Variants in GALE observed in about 807,000 individuals in gnomAD.
The protein encoded by GALE is UDP-galactose-4-epimerase, also known as UDP-glucose 4-epimerase.
Under a neutral mutation model 44.1 loss-of-function variants are expected in GALE, and 32 were observed. That is an observed-to-expected ratio of 0.73 (90% CI 0.55 to 0.97). The LOEUF is 0.97. GALE is among the 50% of genes least tolerant of loss of function. GALE has a pLI of 0.00. For synonymous variants in GALE, 182 were observed against 183.5 expected (o/e 0.99, Z 0.06); for missense variants, 423 against 455.6 (o/e 0.93, Z 0.65).
chr1:23,797,754 A>G lies in GALE; in HGVS notation c.469T>C (p.Tyr157His). Residue 157 changes from tyrosine to histidine, a missense_variant, in exon 6 of 12, where the codon TAC becomes CAC. Tyr to His is a moderately conservative substitution (Grantham distance 83). Coordinates refer to ENST00000617979, the MANE Select transcript of GALE (RefSeq NM_001008216.2). ...AHPTGGCTNP[Y>H]GKSKFFIEEM... ...TCGATGAAGAACTTGGACTTGCCGT[A>G]AGGGTTGGTACAACCACCCGTGGGG... 5 of 1,614,150 alleles carry G rather than the reference A, an allele frequency of 3.1e-6. No homozygotes were observed. Among genetic ancestry groups the G allele is most frequent in the East Asian group, 2.2e-5 (1 of 44,864 alleles).
At position 23,796,004 on chromosome 1, in the gene GALE, T is replaced by TCA. The variant is rs1330590640; in HGVS notation, c.990_991dup (p.Glu331ValfsTer100). 1 of 1,613,986 alleles carries TCA rather than the reference T, an allele frequency of 6.2e-7. No individual in the cohort carries two copies. Among genetic ancestry groups the TCA allele is most frequent in the Non-Finnish European group, 8.5e-7 (1 of 1,179,962 alleles). ...CTGCTTCTGCCAGCGCCAGAGATCCTCACCTGCAACACGGCGAGGTGTGTG... is the reference window on the plus strand; with the variant it reads ...CTGCTTCTGCCAGCGCCAGAGATCCTCACACCTGCAACACGGCGAGGTGTGTG... On this transcript the variant is annotated frameshift_variant, in exon 12 of 12. Coordinates refer to ENST00000617979, the MANE Select transcript of GALE (RefSeq NM_001008216.2). LOFTEE classifies it high-confidence loss of function. The surrounding 1 kb of genome is among the most constrained non-coding windows in gnomAD (Gnocchi z 5.2).
At position 23,799,464 on chromosome 1, in the gene GALE, T is replaced by C. The variant is rs1045873703; in HGVS notation, c.-76-28A>G. 2.8e-5 allele frequency: 8 copies of C among 282,478 alleles called. No individual in the cohort carries two copies. In the East Asian group the frequency reaches 2.9e-4, roughly 10 times the overall value. 17.5% of individuals were successfully genotyped at this position (282,478 alleles called of 1,614,324 possible). ...GGGCAGAAGGAAAATGGCAGCACGA[T>C]TGGGACTCCAGGGTCGCAGGAAGGG... On this transcript the variant is annotated intron_variant, in intron 1 of 11. Transcript: ENST00000617979.
chr1:23,799,112 G>T, intron 2 of GALE, 100 bp from the exon 3 acceptor site: 1 of 1,513,520 alleles, frequency 6.6e-7, no homozygotes. Flanking sequence ...GGAAGGAGGC[G>T]GCAGTGTGCC....
At position 23,798,701 on chromosome 1, in the gene GALE, G is replaced by A. The variant is rs780517804; in HGVS notation, c.151C>T (p.Arg51Trp). Residue 51 changes from arginine (R) to tryptophan (W), a missense_variant, in exon 4 of 12, where the codon CGG (arginine) becomes TGG (tryptophan). Physicochemically the swap from Arg to Trp is moderately radical, Grantham distance 101 (BLOSUM62 -3). Coordinates refer to ENST00000617979, the MANE Select transcript of GALE (RefSeq NM_001008216.2). The surrounding 1 kb of genome is among the most constrained non-coding windows in gnomAD (Gnocchi z 4.5). Reference sequence around the variant, plus strand: ...GAGCGGCCTGTCAGCTCCTGGACCCGCCGCAGGCTCTCAGGCAGGGAGCCC... The same window carrying A: ...GAGCGGCCTGTCAGCTCCTGGACCCACCGCAGGCTCTCAGGCAGGGAGCCC... ...GGGSLPESLR[R>W]VQELTGRSVE... 2.0e-5 allele frequency: 33 copies of A among 1,613,808 alleles called. No individual in the cohort carries two copies. Among genetic ancestry groups the A allele is most frequent in the Admixed American group, 8.3e-5 (5 of 59,984 alleles).
chr1:23,799,307 G>A lies in GALE; in HGVS notation c.-6+59C>T, dbSNP rs1279340756. ...TTCAGTGAGGTGATCTTAAGGGCCC[G>A]CCACAGCAGAGCTGGGGAGACCTGA... On this transcript the variant is annotated intron_variant, in intron 2 of 11. Coordinates refer to ENST00000617979, the MANE Select transcript of GALE (RefSeq NM_001008216.2). 8.9e-6 allele frequency: 4 copies of A among 448,412 alleles called. No individual in the cohort carries two copies. In the Admixed American group the frequency reaches 1.0e-4, roughly 12 times the overall value. The allele number at this position is 448,412 out of a possible 1,614,324, so 27.8% of individuals were successfully genotyped here.
chr1:23,799,088 C>T (rs547969165), intron 2 of GALE, 76 bp from the exon 3 acceptor site: 4 of 1,600,352 alleles, frequency 2.5e-6, no homozygotes, highest in South Asian at 1.1e-5. Context: ...AATCCTGCCC[C>T]CTAAGCTCGC....
Position 23,798,041 on chromosome 1 carries a change from T to C in GALE, c.351+76A>G, listed in dbSNP as rs1201647924. 2 of 1,358,914 alleles carry C rather than the reference T, an allele frequency of 1.5e-6. No individual in the cohort carries two copies. The highest frequency in any genetic ancestry group is 2.9e-5 in the African/African-American group (2 of 69,856). 84.2% of individuals were successfully genotyped at this position (1,358,914 alleles called of 1,614,324 possible). ...CCAGGATGATACAGCTTGGGCTCTG[T>C]GTTTGGCACTGCCTGCCAGGCTGGG... On this transcript the variant is annotated intron_variant, in intron 5 of 11. Coordinates refer to ENST00000617979, the MANE Select transcript of GALE (RefSeq NM_001008216.2). The surrounding 1 kb of genome is among the most constrained non-coding windows in gnomAD (Gnocchi z 4.5).
chr1:23,795,897 G>T lies in GALE; in HGVS notation c.*52C>A. 1 of 1,563,488 alleles carries T rather than the reference G, an allele frequency of 6.4e-7. No homozygotes were observed. ...CCAGGGCCCTGAGTTCCTGCCAGAG[G>T]CTGGAGAGCAGGCAGCTGCTGCTTT... On this transcript the variant is annotated 3_prime_UTR_variant, in exon 12 of 12. Coordinates refer to ENST00000617979, the MANE Select transcript of GALE (RefSeq NM_001008216.2).
At position 23,798,064 on chromosome 1, in the gene GALE, G is replaced by A. The variant is rs886563052; in HGVS notation, c.351+53C>T. The A allele has an allele frequency of 1.2e-5, 17 of 1,471,018 alleles. No homozygotes were observed. The South Asian group carries it at 1.8e-4, about 16-fold the overall frequency. The allele number at this position is 1,471,018 out of a possible 1,614,324, so 91.1% of individuals were successfully genotyped here. A position where few individuals can be genotyped will look rare whatever the true frequency, so the allele number is the denominator to read the frequency against. The stretch of plus-strand genomic sequence containing the variant: ...TGTGTTTGGCACTGCCTGCCAGGCT[G>A]GGGTCCAGCTGGACACCCTCCTAGT... On this transcript the variant is annotated intron_variant, in intron 5 of 11. Transcript: ENST00000617979. The surrounding 1 kb of genome is among the most constrained non-coding windows in gnomAD (Gnocchi z 4.5).
chr1:23,799,137 G>A, intron 2 of GALE, 125 bp from the exon 3 acceptor site: 2 of 1,316,764 alleles, frequency 1.5e-6, no homozygotes, highest in Non-Finnish European at 2.2e-6. Flanking sequence ...GTACCAGACT[G>A]GCTCAGAAGT....
At position 23,796,104 on chromosome 1, in the gene GALE, T is replaced by A; in HGVS notation, c.988+47A>T. 6.2e-7 allele frequency: 1 copy of A among 1,604,010 alleles called. No individual in the cohort carries two copies. The highest frequency in any genetic ancestry group is 8.5e-7 in the Non-Finnish European group (1 of 1,171,040). Reference sequence around the variant, plus strand: ...CTGGGTGGGCATGCCCAGATCTGATTTAGCCCCTCCCTGGCCCCTAACTGC... The same window carrying A: ...CTGGGTGGGCATGCCCAGATCTGATATAGCCCCTCCCTGGCCCCTAACTGC... On this transcript the variant is annotated intron_variant, in intron 11 of 11. Coordinates refer to ENST00000617979, the MANE Select transcript of GALE (RefSeq NM_001008216.2). The surrounding 1 kb of genome is among the most constrained non-coding windows in gnomAD (Gnocchi z 5.2).
Position 23,796,788 on chromosome 1 carries a change from G to A in GALE, c.710-6C>T. On this transcript the variant is annotated splice_region_variant and splice_polypyrimidine_tract_variant and intron_variant, in intron 8 of 11. Transcript: ENST00000617979. This position sits in a 1 kb window ranked among gnomAD's most constrained non-coding sequence, Gnocchi z 5.2. ...ATGGATGTAATCCCGGACACCTGCAGAGAAGGGAGTGTGTTGGATGGGGAG... is the reference window on the plus strand; with the variant it reads ...ATGGATGTAATCCCGGACACCTGCAAAGAAGGGAGTGTGTTGGATGGGGAG... 2.5e-6 allele frequency: 4 copies of A among 1,609,580 alleles called. No homozygotes were observed. The highest frequency in any genetic ancestry group is 3.4e-6 in the Non-Finnish European group (4 of 1,177,636).
At position 23,796,823 on chromosome 1, in the gene GALE, C is replaced by T. The variant is rs1557478827; in HGVS notation, c.710-41G>A. On this transcript the variant is annotated intron_variant, in intron 8 of 11. Coordinates refer to ENST00000617979, the MANE Select transcript of GALE (RefSeq NM_001008216.2). The surrounding 1 kb of genome is among the most constrained non-coding windows in gnomAD (Gnocchi z 5.2). ...TGTGTTGGATGGGGAGTCTGTTCCC[C>T]CTGACTCTCCTTCCTGGCTCCCACT... 15 of 1,607,788 alleles carry T rather than the reference C, an allele frequency of 9.3e-6. No homozygotes were observed. Among genetic ancestry groups the T allele is most frequent in the Non-Finnish European group, 1.3e-5 (15 of 1,176,776 alleles).
intron 2 of GALE, 110 bp from the exon 3 acceptor site, chr1:23,799,122 C>T: frequency 6.9e-7 from 1 of 1,444,150 alleles, no homozygotes; most frequent in Non-Finnish European, 9.6e-7. Flanking sequence ...GGCAGTGTGC[C>T]CTAGGTACCA....
Position 23,798,382 on chromosome 1 carries a change from G to A in GALE, c.238-152C>T, listed in dbSNP as rs1013829350. Reference sequence around the variant, plus strand: ...TACAGTGGTGCCATCTCAGCTCACCGCAACCTCCACCTCCCAGGCTCAAGC... The same window carrying A: ...TACAGTGGTGCCATCTCAGCTCACCACAACCTCCACCTCCCAGGCTCAAGC... On this transcript the variant is annotated intron_variant, in intron 4 of 11. Transcript: ENST00000617979. The surrounding 1 kb of genome is among the most constrained non-coding windows in gnomAD (Gnocchi z 4.5). 3.9e-5 allele frequency: 28 copies of A among 716,912 alleles called. No homozygotes were observed. The highest frequency in any genetic ancestry group is 3.8e-4 in the East Asian group (14 of 37,176). The allele number at this position is 716,912 out of a possible 1,614,324, so 44.4% of individuals were successfully genotyped here. A position where few individuals can be genotyped will look rare whatever the true frequency, so the allele number is the denominator to read the frequency against.
At position 23,796,573 on chromosome 1, in the gene GALE, C is replaced by A; in HGVS notation, c.809G>T (p.Gly270Val). The change falls in exon 10 of 12, where the codon GGC (glycine) becomes GTC (valine). Residue 270 changes from glycine to valine, a missense_variant. Physicochemically the swap from Gly to Val is moderately radical, Grantham distance 109. Transcript: ENST00000617979. This position sits in a 1 kb window ranked among gnomAD's most constrained non-coding sequence, Gnocchi z 5.2. ...CAGCACTGAATAGCCTGTGCCCGTG[C>A]CCAGGTTGTAGATCTGGCCCACGGA... ...EQCGCRIYNL[G>V]TGTGYSVLQM... The A allele has an allele frequency of 6.2e-7, 1 of 1,614,118 alleles. No homozygotes were observed. The highest frequency in any genetic ancestry group is 8.5e-7 in the Non-Finnish European group (1 of 1,180,020).
chr1:23,799,291 G>GTGA, intron 2 of GALE, 75 bp downstream of exon 2: 1 of 474,586 alleles, frequency 2.1e-6, no homozygotes, highest in Non-Finnish European at 3.9e-6. Flanking sequence ...GTTCAGTGAG[G>GTGA]TGATCTTAAG....
rs764926185 is a variant in GALE at position 23,798,685 on chromosome 1, G to T, written c.167C>A (p.Thr56Lys). The T allele has an allele frequency of 6.2e-7, 1 of 1,613,422 alleles. No individual in the cohort carries two copies. Among genetic ancestry groups the T allele is most frequent in the African/African-American group, 1.3e-5 (1 of 75,014 alleles). ...PESLRRVQEL[T>K]GRSVEFEEMD... ...CTCCTCAAACTCCACAGAGCGGCCT[G>T]TCAGCTCCTGGACCCGCCGCAGGCT... The change falls in exon 4 of 12, where the codon ACA becomes AAA. Residue 56 changes from threonine to lysine, a missense_variant. Transcript: ENST00000617979. This position sits in a 1 kb window ranked among gnomAD's most constrained non-coding sequence, Gnocchi z 4.5.
chr1:23,796,299 G>A lies in GALE; in HGVS notation c.874-34C>T, dbSNP rs201768434. 12 of 1,588,268 alleles carry A rather than the reference G, an allele frequency of 7.6e-6. No homozygotes were observed. In the African/African-American group the frequency reaches 1.1e-4, roughly 14 times the overall value. On this transcript the variant is annotated intron_variant, in intron 10 of 11. Transcript: ENST00000617979. The surrounding 1 kb of genome is among the most constrained non-coding windows in gnomAD (Gnocchi z 5.2). ...CAGGAGGTAGTTGGAGCTTAGCTGA[G>A]CCGGCCCTGGCCCAGCTGCTGGCCA... is the stretch of plus-strand genomic sequence containing the variant.
Sources: allele counts gnomAD v4.1 joint callset, GRCh38; gene constraint gnomAD v4.1.1; non-coding constraint Gnocchi (gnomAD v3.1); transcripts MANE v1.5; gene names NCBI Gene and HGNC (gene_info 2026-07-23, HGNC 2026-07-21).